Variants in CDH22 observed in about 807,000 individuals in gnomAD.
CDH22 encodes cadherin-22.
In CDH22, 30 loss-of-function variants were observed where a neutral mutation model predicts 58.4. The observed-to-expected ratio is 0.51, with a 90% confidence interval of 0.38 to 0.70. The LOEUF (loss-of-function observed/expected upper bound fraction) is 0.70. Ranked by LOEUF, CDH22 falls within the 30% of genes least tolerant of loss-of-function variation. CDH22 has a pLI of 0.00. For synonymous variants in CDH22, 513 were observed against 558.2 expected (o/e 0.92, Z 1.14); for missense variants, 1,014 against 1,233.9 (o/e 0.82, Z 2.67).
chr20:46,259,871 A>G (rs145727431), intron 1 of CDH22, among the ~76,000 whole-genome samples: 2 of 152,324 alleles, frequency 1.3e-5, no homozygotes, highest in Non-Finnish European at 2.9e-5. Flanking sequence ...AAAGAACAAA[A>G]ATGAAATGAG....
intron 1 of CDH22, among the ~76,000 whole-genome samples, chr20:46,278,019 C>T (rs910764278): frequency 4.6e-5 from 7 of 150,980 alleles, no homozygotes; most frequent in South Asian, 2.1e-4. Context: ...AGGCGTTGGC[C>T]GAGACAAGAG....
At chr20:46,229,381 A>G (rs144059904) in intron 3 of CDH22, among the ~76,000 whole-genome samples, 8 of 150,754 alleles carry the variant, frequency 5.3e-5, no homozygotes, top group African/African-American at 1.5e-4. Flanking sequence ...TGGAATTTGA[A>G]CCCGGGACTC....
chr20:46,183,870 TCTC>T (rs903356358), intron 10 of CDH22, among the ~76,000 whole-genome samples: 1 of 152,038 alleles, frequency 6.6e-6, no homozygotes, highest in African/African-American at 2.4e-5. Context: ...GCTGACCACA[TCTC>T]CTCCCAGTCC....
chr20:46,288,311 C>T (rs898751672), intron 1 of CDH22, among the ~76,000 whole-genome samples: 1 of 152,186 alleles, frequency 6.6e-6, no homozygotes, highest in African/African-American at 2.4e-5. Flanking sequence ...TCCCAGCACC[C>T]TGTACCTCAT....
At chr20:46,187,487 C>T (rs1236831901) in intron 8 of CDH22, among the ~76,000 whole-genome samples, 1 of 151,702 alleles carries the variant, frequency 6.6e-6, no homozygotes, top group African/African-American at 2.4e-5. Context: ...AGAATTAGCA[C>T]CACCACCACC....
chr20:46,284,168 C>T (rs572588674), intron 1 of CDH22, among the ~76,000 whole-genome samples: 138 of 151,304 alleles, frequency 9.1e-4, no homozygotes, highest in African/African-American at 3.2e-3. Context: ...CTGGCTGGCC[C>T]GGGTCTGACG....
At chr20:46,213,265 AGG>A in intron 5 of CDH22, 77 bp from the exon 6 acceptor site, 2 of 1,040,626 alleles carry the variant, frequency 1.9e-6, no homozygotes, top group South Asian at 2.8e-5. Context: ...GGAGGGGACA[AGG>A]GGGCCCAGGT....
At chr20:46,188,220 A>T (rs1368729553) in intron 8 of CDH22, among the ~76,000 whole-genome samples, 4 of 152,192 alleles carry the variant, frequency 2.6e-5, no homozygotes, top group Non-Finnish European at 4.4e-5. Context: ...CTTGGGTAAG[A>T]CCCTGCCTTC....
chr20:46,243,984 AT>A (rs991128170), intron 2 of CDH22, among the ~76,000 whole-genome samples: 1 of 152,096 alleles, frequency 6.6e-6, no homozygotes, highest in Non-Finnish European at 1.5e-5. Context: ...GGGACCATGG[AT>A]TTGTGAATTT....
Position 46,174,751 on chromosome 20 carries a change from TG to T in CDH22, c.2241del (p.Phe747LeufsTer157). On this transcript the variant is annotated frameshift_variant, in exon 12 of 12. Transcript: ENST00000537909. LOFTEE classifies it low-confidence loss of function (END_TRUNC). This position sits in a 1 kb window ranked among gnomAD's most constrained non-coding sequence, Gnocchi z 4.4. ...GCCACCTTGCGGCTGATGAAGTCCC[TG>T]AACACTGAGAAGTCTGGCTCGGGGC... ...PPSPEPDFSV[F>X]RDFISRKVAL... is the part of the protein sequence containing the mutation. 1.3e-6 allele frequency: 2 copies of T among 1,548,326 alleles called. No homozygotes were observed. The highest frequency in any genetic ancestry group is 1.2e-5 in the South Asian group (1 of 84,292).
At chr20:46,221,797 C>T (rs1032967412) in intron 4 of CDH22, among the ~76,000 whole-genome samples, 3 of 152,166 alleles carry the variant, frequency 2.0e-5, no homozygotes, top group Admixed American at 6.5e-5. Flanking sequence ...GGGAGAAGCA[C>T]GGTGGAGACT....
chr20:46,242,744 G>A (rs1177894546), intron 2 of CDH22, among the ~76,000 whole-genome samples: 3 of 152,124 alleles, frequency 2.0e-5, no homozygotes, highest in Non-Finnish European at 4.4e-5. Context: ...TTAACAACAA[G>A]TACAACTGTA....
chr20:46,248,240 G>A (rs572081693), intron 2 of CDH22, among the ~76,000 whole-genome samples: 3 of 152,318 alleles, frequency 2.0e-5, no homozygotes, highest in Admixed American at 2.0e-4. Flanking sequence ...AGGTGATAAA[G>A]GCTAGGTAGG....
intron 7 of CDH22, among the ~76,000 whole-genome samples, chr20:46,208,384 C>T (rs917929127): frequency 5.3e-5 from 8 of 152,194 alleles, no homozygotes; most frequent in Non-Finnish European, 1.2e-4. Context: ...TTGCCTGTGT[C>T]TGTGTCTATT....
chr20:46,254,101 C>T (rs1600717914), intron 1 of CDH22, among the ~76,000 whole-genome samples: 1 of 152,330 alleles, frequency 6.6e-6, no homozygotes, highest in East Asian at 1.9e-4. Flanking sequence ...CGTTAACAAT[C>T]GCTTTCTGTT....
At chr20:46,283,879 C>T (rs1323885606) in intron 1 of CDH22, among the ~76,000 whole-genome samples, 2 of 152,004 alleles carry the variant, frequency 1.3e-5, no homozygotes, top group African/African-American at 2.4e-5. Context: ...AAAGCAGGAG[C>T]GGAGGATCCC....
chr20:46,284,704 G>A (rs1049238442), intron 1 of CDH22, among the ~76,000 whole-genome samples: 1 of 152,164 alleles, frequency 6.6e-6, no homozygotes, highest in African/African-American at 2.4e-5. Flanking sequence ...CCACAGGGCT[G>A]TAGATTCCCA....
At chr20:46,286,879 G>T (rs1004424972) in intron 1 of CDH22, among the ~76,000 whole-genome samples, 5 of 152,038 alleles carry the variant, frequency 3.3e-5, no homozygotes. Context: ...TGCCATTCAG[G>T]GTCCTTCATG....
intron 6 of CDH22, among the ~76,000 whole-genome samples, chr20:46,212,734 T>C (rs1027014013): frequency 6.6e-6 from 1 of 152,200 alleles, no homozygotes; most frequent in African/African-American, 2.4e-5. Context: ...GTCAGAGTGT[T>C]TGAGGGTGTG....
Sources: gnomAD v4.1 joint callset for allele counts (sites outside exome capture counted in the v4.1 genomes callset) on GRCh38, gnomAD v4.1.1 for gene constraint, Gnocchi (gnomAD v3.1) non-coding constraint, MANE v1.5 for transcripts, NCBI Gene and HGNC (gene_info 2026-07-23, HGNC 2026-07-21) for gene names.